Variants in SNAP29 observed in about 807,000 individuals in gnomAD.
SNAP29 encodes the protein synaptosomal-associated protein 29.
Under a neutral mutation model 27.9 loss-of-function variants are expected in SNAP29, and 13 were observed. The ratio of observed to expected loss-of-function variants is 0.47; its 90% CI spans 0.30 to 0.74. The LOEUF is 0.74. Among genes scored for constraint, SNAP29 ranks in the 30% least tolerant of loss-of-function variants. The pLI, the probability that SNAP29 is intolerant of heterozygous loss-of-function variation, is 0.06. For synonymous variants in SNAP29, 119 were observed against 127.1 expected (o/e 0.94, Z 0.43); for missense variants, 368 against 336.5 (o/e 1.09, Z -0.73).
At chr22:20,859,380 C>T in intron 1 of SNAP29, 33 bp downstream of exon 1, 1 of 1,421,616 alleles carries the variant, frequency 7.0e-7, no homozygotes, top group Non-Finnish European at 1.0e-6. Flanking sequence ...GTGGACTCGC[C>T]GGTCTCTGTG....
chr22:20,867,276 C>T (rs937139572), intron 1 of SNAP29, among the ~76,000 whole-genome samples: 1 of 152,042 alleles, frequency 6.6e-6, no homozygotes, highest in Non-Finnish European at 1.5e-5. Flanking sequence ...CCACCCAAGT[C>T]CGTTCAGGGA....
At chr22:20,878,763 G>C (rs1040386600) in intron 2 of SNAP29, among the ~76,000 whole-genome samples, 11 of 152,162 alleles carry the variant, frequency 7.2e-5, no homozygotes, top group Non-Finnish European at 1.3e-4. Context: ...TTGAGATAGA[G>C]GAGAGCAGGC....
intron 2 of SNAP29, among the ~76,000 whole-genome samples, chr22:20,879,848 ATT>A (rs1161660349): frequency 8.1e-6 from 1 of 124,214 alleles, no homozygotes; most frequent in African/African-American, 3.3e-5. Flanking sequence ...GTCTGAAAAA[ATT>A]TAAAAAAAAA....
At chr22:20,879,442 G>A (rs1310159351) in intron 2 of SNAP29, among the ~76,000 whole-genome samples, 1 of 152,070 alleles carries the variant, frequency 6.6e-6, no homozygotes, top group Admixed American at 6.6e-5. Context: ...AGGAGGCTGA[G>A]GCAGAAGAAT....
chr22:20,864,590 T>C (rs1928414961), intron 1 of SNAP29, among the ~76,000 whole-genome samples: 1 of 152,166 alleles, frequency 6.6e-6, no homozygotes, highest in African/African-American at 2.4e-5. Context: ...GTGGTGATAC[T>C]GATGCAGCCA....
At chr22:20,866,066 A>G (rs1422870648) in intron 1 of SNAP29, among the ~76,000 whole-genome samples, 1 of 152,262 alleles carries the variant, frequency 6.6e-6, no homozygotes, top group Non-Finnish European at 1.5e-5. Context: ...CTTATCAGGC[A>G]GGATATTCCA....
At position 20,888,311 on chromosome 22, in the gene SNAP29, T is replaced by TCTCACACACA. The variant is rs1363748977; in HGVS notation, c.*476_*477insTCACACACAC. Reference sequence around the variant, plus strand: ...CACACCTTTGTTTAGGAGTCATCATTCACACACACACACACACACACACAC... The same window carrying TCTCACACACA: ...CACACCTTTGTTTAGGAGTCATCATTCTCACACACACACACACACACACACACACACACAC... On this transcript the variant is annotated 3_prime_UTR_variant, in exon 5 of 5. Transcript: ENST00000215730. The TCTCACACACA allele has an allele frequency of 4.0e-5, 7 of 173,986 alleles. No individual in the cohort carries two copies. Among genetic ancestry groups the TCTCACACACA allele is most frequent in the African/African-American group, 2.3e-4 (7 of 29,838 alleles). 10.8% of individuals were successfully genotyped at this position (173,986 alleles called of 1,614,324 possible).
intron 1 of SNAP29, among the ~76,000 whole-genome samples, chr22:20,869,165 C>T (rs942047719): frequency 1.3e-5 from 2 of 152,216 alleles, no homozygotes; most frequent in Non-Finnish European, 2.9e-5. Context: ...GAGACTGAGG[C>T]AGGAGAATCG....
intron 2 of SNAP29, among the ~76,000 whole-genome samples, chr22:20,874,326 ACACACACACACAC>A (rs1928679500): frequency 6.8e-6 from 1 of 146,782 alleles, no homozygotes; most frequent in Non-Finnish European, 1.5e-5. Flanking sequence ...AGACACACAC[ACACACACACACAC>A]GAAAATTAGC....
In SNAP29 at chr22:20,865,368, A is replaced by G. The variant is rs561291314; in HGVS notation, c.238-4969A>G. Among the ~76,000 whole-genome samples, 8 of 151,842 alleles carry G rather than the reference A, an allele frequency of 5.3e-5. No homozygotes were observed. In the South Asian group the frequency reaches 1.5e-3, roughly 28 times the overall value. On this transcript the variant is annotated intron_variant, in intron 1 of 4. Coordinates refer to ENST00000215730, the MANE Select transcript of SNAP29 (RefSeq NM_004782.4). Reference sequence around the variant, plus strand: ...AGACCCTGTCTCAAAAAAAAAAAAGAATTAGACCATTGATCCCAGGCCAAT... The same window carrying G: ...AGACCCTGTCTCAAAAAAAAAAAAGGATTAGACCATTGATCCCAGGCCAAT...
At chr22:20,874,658 G>GA (rs1408046523) in intron 2 of SNAP29, among the ~76,000 whole-genome samples, 1 of 151,888 alleles carries the variant, frequency 6.6e-6, no homozygotes, top group Non-Finnish European at 1.5e-5. Flanking sequence ...GTGCCCTGGG[G>GA]AGGCACTAGC....
chr22:20,859,500 A>T, intron 1 of SNAP29, 153 bp downstream of exon 1: 2 of 685,476 alleles, frequency 2.9e-6, no homozygotes, highest in Non-Finnish European at 5.3e-6. Flanking sequence ...CAATCTGTTA[A>T]CTATGTAAAG....
chr22:20,881,590 C>A (rs967863836), intron 3 of SNAP29, among the ~76,000 whole-genome samples: 2 of 152,178 alleles, frequency 1.3e-5, no homozygotes, highest in African/African-American at 4.8e-5. Flanking sequence ...GCCTCTAATC[C>A]AAGCTACTTG....
At chr22:20,881,259 C>T (rs541833069) in intron 3 of SNAP29, 125 bp downstream of exon 3, 1 of 723,890 alleles carries the variant, frequency 1.4e-6, no homozygotes, top group South Asian at 1.5e-5. Context: ...CAGCTGCTGG[C>T]ATCACCCATG....
At chr22:20,878,751 T>C (rs1223194954) in intron 2 of SNAP29, among the ~76,000 whole-genome samples, 4 of 152,206 alleles carry the variant, frequency 2.6e-5, no homozygotes, top group Admixed American at 6.5e-5. Flanking sequence ...GTCAGGCTGC[T>C]GTTGAGATAG....
intron 3 of SNAP29, among the ~76,000 whole-genome samples, chr22:20,882,562 G>A (rs1019092548): frequency 6.6e-6 from 1 of 152,104 alleles, no homozygotes; most frequent in Non-Finnish European, 1.5e-5. Context: ...GAGGAAGAGC[G>A]GGGAGCAGGA....
intron 2 of SNAP29, 113 bp downstream of exon 2, chr22:20,870,646 GT>G (rs1928570113): frequency 1.0e-6 from 1 of 953,130 alleles, no homozygotes; most frequent in African/African-American, 1.6e-5. Flanking sequence ...AACCCTTTAA[GT>G]TACTCATCAG....
intron 2 of SNAP29, among the ~76,000 whole-genome samples, chr22:20,880,603 G>A (rs1046150656): frequency 6.6e-6 from 1 of 152,122 alleles, no homozygotes; most frequent in Non-Finnish European, 1.5e-5. Context: ...CTAAAGTACC[G>A]GTTTGGTTGT....
Position 20,890,155 on chromosome 22 carries a change from A to G in SNAP29, c.*2319A>G, listed in dbSNP as rs1929115191. 1 of 397,156 alleles carries G rather than the reference A, an allele frequency of 2.5e-6. No individual in the cohort carries two copies. The highest frequency in any genetic ancestry group is 4.4e-5 in the Admixed American group (1 of 22,684). 24.6% of individuals were successfully genotyped at this position (397,156 alleles called of 1,614,324 possible). The stretch of plus-strand genomic sequence containing the variant: ...CCACTTCTTCCCCACTCCCATGCCC[A>G]GGAAGGCCTGGTTGCTGATGCTACT... On this transcript the variant is annotated 3_prime_UTR_variant, in exon 5 of 5. Coordinates refer to ENST00000215730, the MANE Select transcript of SNAP29 (RefSeq NM_004782.4).
Sources: allele counts gnomAD v4.1 joint callset (sites outside exome capture counted in the v4.1 genomes callset), GRCh38; gene constraint gnomAD v4.1.1; transcripts MANE v1.5; gene names NCBI Gene and HGNC (gene_info 2026-07-23, HGNC 2026-07-21).